SEMA3A: variants seen among roughly 807,000 people sequenced by gnomAD.
SEMA3A encodes semaphorin-3A.
A neutral mutation model predicts 97.9 loss-of-function variants in SEMA3A; 29 were observed. The observed-to-expected ratio is 0.30, with a 90% CI of 0.22 to 0.40. The LOEUF is 0.40. Ranked by LOEUF, SEMA3A falls within the 10% of genes least tolerant of loss-of-function variation. SEMA3A has a pLI of 1.00. For synonymous variants in SEMA3A, 321 were observed against 323.7 expected, an observed-to-expected ratio of 0.99 and a Z score of 0.09; for missense variants, 763 against 951.3, an observed-to-expected ratio of 0.80 and a Z score of 2.60.
At chr7:84,401,084 C>G (rs981843754) in intron 1 of SEMA3A, among the ~76,000 whole-genome samples, 1 of 152,124 alleles carries the variant, frequency 6.6e-6, no homozygotes, top group Non-Finnish European at 1.5e-5. Flanking sequence ...GTCAAATTGT[C>G]CTTGCAGATG....
intron 1 of SEMA3A, among the ~76,000 whole-genome samples, chr7:84,461,721 T>A (rs767984361): frequency 1.7e-4 from 26 of 152,172 alleles, no homozygotes; most frequent in Non-Finnish European, 3.2e-4. Context: ...CTAATTCATA[T>A]ACTATTAGCA....
intron 2 of SEMA3A, among the ~76,000 whole-genome samples, chr7:84,359,376 T>G (rs1428691158): frequency 6.6e-6 from 1 of 152,102 alleles, no homozygotes; most frequent in Non-Finnish European, 1.5e-5. Flanking sequence ...CAAAGGCCTT[T>G]TCTGCATCTA....
chr7:84,182,534 C>T (rs868765505), intron 1 of SEMA3A, among the ~76,000 whole-genome samples: 4 of 152,068 alleles, frequency 2.6e-5, no homozygotes, highest in Non-Finnish European at 4.4e-5. Flanking sequence ...CAGGTGCTTC[C>T]TTGCTCAGCC....
chr7:83,973,118 T>C (rs1322117482), intron 15 of SEMA3A, among the ~76,000 whole-genome samples: 4 of 152,174 alleles, frequency 2.6e-5, no homozygotes, highest in Non-Finnish European at 5.9e-5. Context: ...ACTGATATGA[T>C]ACCTCTTTAA....
chr7:84,023,798 C>T (rs966542122), intron 6 of SEMA3A, among the ~76,000 whole-genome samples: 2 of 151,758 alleles, frequency 1.3e-5, no homozygotes, highest in Non-Finnish European at 2.9e-5. Context: ...ATCACGAGGT[C>T]AGGAGATCGA....
intron 1 of SEMA3A, among the ~76,000 whole-genome samples, chr7:84,488,167 T>C (rs1370131869): frequency 6.6e-6 from 1 of 152,044 alleles, no homozygotes; most frequent in Non-Finnish European, 1.5e-5. Context: ...TTGTTTTTAT[T>C]TTCTTCACAA....
intron 2 of SEMA3A, among the ~76,000 whole-genome samples, chr7:84,133,910 A>T (rs1251381791): frequency 6.7e-6 from 1 of 149,556 alleles, no homozygotes; most frequent in Admixed American, 6.7e-5. Flanking sequence ...AAAAAAAAAA[A>T]AATTAGCCGG....
At chr7:84,060,664 C>T (rs933110115) in intron 4 of SEMA3A, 106 bp from the exon 5 acceptor site, 14 of 657,964 alleles carry the variant, frequency 2.1e-5, no homozygotes, top group Admixed American at 2.1e-4. Flanking sequence ...ATGTCCAACA[C>T]AAGAGTTATT....
In SEMA3A at chr7:84,285,880, A is replaced by AGTGAGACATGATT. The variant is rs145592754; in HGVS notation, c.-83+21314_-83+21326dup. Among the ~76,000 whole-genome samples the AGTGAGACATGATT allele has an allele frequency of 2.6e-3, 384 of 150,030 alleles. 1 individual carries two copies. The highest frequency in any genetic ancestry group is 8.8e-3 in the African/African-American group (359 of 40,882). ...CCTGAGTTGGGGATGTCCAGGCTGCAGTGAGACATGATTGTGAGACATGAT... is the reference window on the plus strand; with the variant it reads ...CCTGAGTTGGGGATGTCCAGGCTGCAGTGAGACATGATTGTGAGACATGATTGTGAGACATGAT... On this transcript the variant is annotated intron_variant, in intron 3 of 3. Coordinates refer to the SEMA3A transcript ENST00000424555.
At chr7:84,351,282 T>A (rs1030459593) in intron 2 of SEMA3A, among the ~76,000 whole-genome samples, 2 of 152,154 alleles carry the variant, frequency 1.3e-5, no homozygotes, top group Non-Finnish European at 2.9e-5. Context: ...GTGGACTTGA[T>A]GGTTTGCTTG....
At chr7:83,967,419 T>C (rs137983997) in intron 15 of SEMA3A, among the ~76,000 whole-genome samples, 14 of 152,292 alleles carry the variant, frequency 9.2e-5, no homozygotes, top group African/African-American at 3.1e-4. Flanking sequence ...TCCTATCTTA[T>C]AACCTTATTA....
rs112614737 is a variant in SEMA3A, at chr7:84,208,643, G to A, written c.-82-13975C>T. Among the ~76,000 whole-genome samples the A allele has an allele frequency of 2.4e-3, 373 of 152,284 alleles. 1 individual carries two copies. The highest frequency in any genetic ancestry group is 8.7e-3 in the African/African-American group (360 of 41,564). On this transcript the variant is annotated intron_variant, in intron 3 of 3. Transcript: ENST00000424555. ...TTAAAAAGTATTTAATTAAGCTGAGGTAGTTTCCAGTAATGTGTCATAAAG... is the reference window on the plus strand; with the variant it reads ...TTAAAAAGTATTTAATTAAGCTGAGATAGTTTCCAGTAATGTGTCATAAAG...
At chr7:84,052,513 T>C (rs1792725783) in intron 5 of SEMA3A, among the ~76,000 whole-genome samples, 1 of 152,304 alleles carries the variant, frequency 6.6e-6, no homozygotes, top group East Asian at 1.9e-4. Flanking sequence ...GTGTTTGTAG[T>C]ATTCTCTGAT....
chr7:84,468,325 G>T (rs35781663), intron 1 of SEMA3A, among the ~76,000 whole-genome samples: 18,083 of 152,112 alleles, frequency 0.12, 1,319 homozygotes, highest in East Asian at 0.29. Flanking sequence ...ATGTGACCAG[G>T]CTGTGCCAGG....
upstream of SEMA3A, among the ~76,000 whole-genome samples, chr7:84,196,770 C>T (rs1323574988): frequency 1.3e-5 from 2 of 152,024 alleles, no homozygotes; most frequent in Admixed American, 6.6e-5. Context: ...AAGGATTGGA[C>T]TAATGAATTA....
At chr7:84,299,601 G>C (rs952039638) in intron 3 of SEMA3A, among the ~76,000 whole-genome samples, 3 of 151,382 alleles carry the variant, frequency 2.0e-5, no homozygotes, top group African/African-American at 7.3e-5. Flanking sequence ...CCAATGGACA[G>C]CTTAGAATTA....
chr7:84,277,528 T>C (rs1800334956), intron 3 of SEMA3A, among the ~76,000 whole-genome samples: 1 of 152,180 alleles, frequency 6.6e-6, no homozygotes, highest in South Asian at 2.1e-4. Context: ...ACCTGAAATA[T>C]TGTGTTGTGC....
At chr7:84,257,198 TAAAGA>T (rs1221685374) in intron 3 of SEMA3A, among the ~76,000 whole-genome samples, 1 of 152,052 alleles carries the variant, frequency 6.6e-6, no homozygotes, top group African/African-American at 2.4e-5. Flanking sequence ...AGATTTTTTT[TAAAGA>T]AAAGAAAAGC....
intron 6 of SEMA3A, among the ~76,000 whole-genome samples, chr7:84,019,959 T>G (rs1791259092): frequency 6.6e-6 from 1 of 151,616 alleles, no homozygotes; most frequent in Non-Finnish European, 1.5e-5. Context: ...TCCTTTATTT[T>G]CTTTTACTTC....
Sources: gnomAD v4.1 joint callset for allele counts (sites outside exome capture counted in the v4.1 genomes callset) on GRCh38, gnomAD v4.1.1 for gene constraint, MANE v1.5 for transcripts, NCBI Gene and HGNC (gene_info 2026-07-23, HGNC 2026-07-21) for gene names.